Variants in ARL13B observed in about 807,000 individuals in gnomAD.
ARL13B encodes ADP-ribosylation factor-like protein 13B.
A neutral mutation model predicts 56.1 loss-of-function variants in ARL13B; 36 were observed. The ratio of observed to expected loss-of-function variants is 0.64; its 90% confidence interval spans 0.49 to 0.85. The LOEUF is 0.85. Ranked by LOEUF, ARL13B falls within the 40% of genes least tolerant of loss-of-function variation. The pLI is 0.00. For missense variants in ARL13B, 519 were observed against 507.1 expected (o/e 1.02, Z -0.23); for synonymous variants, 178 against 171.1 (o/e 1.04, Z -0.32).
intron 6 of ARL13B, 23 bp from the exon 7 acceptor site, chr3:94,042,992 T>C: frequency 5.8e-6 from 9 of 1,549,418 alleles, no homozygotes; most frequent in Admixed American, 1.8e-5. Flanking sequence ...ATAGTAAAGA[T>C]AATGTATTTT....
chr3:94,036,691 G>T lies in ARL13B; in HGVS notation c.626G>T (p.Arg209Leu), dbSNP rs199790565. Residue 209 changes from arginine (R) to leucine (L), a missense_variant, in exon 5 of 10, where the codon CGT becomes CTT. By Grantham distance (102) the Arg-to-Leu change is moderately radical. Coordinates refer to ENST00000394222, the MANE Select transcript of ARL13B (RefSeq NM_001174150.2). ...ERIQKETTEQ[R>L]ALEEQEKQER... ...ATCCAAAAAGAGACAACAGAGCAGCGTGCTCTTGAGGAACAAGAGAAACAA... is the reference window on the plus strand; with the variant it reads ...ATCCAAAAAGAGACAACAGAGCAGCTTGCTCTTGAGGAACAAGAGAAACAA... The T allele has an allele frequency of 2.5e-6, 4 of 1,613,858 alleles. No homozygotes were observed. The highest frequency in any genetic ancestry group is 4.5e-5 in the East Asian group (2 of 44,858).
chr3:94,000,861 T>C (rs1175571075), intron 2 of ARL13B, among the ~76,000 whole-genome samples: 2 of 152,182 alleles, frequency 1.3e-5, no homozygotes, highest in Non-Finnish European at 2.9e-5. Flanking sequence ...CATGTATCTT[T>C]GTATTCCTGG....
At chr3:93,996,206 A>G (rs2075962913) in intron 2 of ARL13B, among the ~76,000 whole-genome samples, 2 of 152,192 alleles carry the variant, frequency 1.3e-5, no homozygotes, top group South Asian at 4.1e-4. Context: ...TAGTATCTGT[A>G]TTCTAGACAA....
chr3:94,044,431 G>T (rs2076938326), intron 7 of ARL13B, among the ~76,000 whole-genome samples: 1 of 146,980 alleles, frequency 6.8e-6, no homozygotes, highest in Non-Finnish European at 1.5e-5. Flanking sequence ...TGCCCTGAAT[G>T]GGAAGTGAGG....
intron 7 of ARL13B, among the ~76,000 whole-genome samples, chr3:94,045,950 C>CAAAAAAAAAAAAAAAAAAA (rs1199964643): frequency 2.3e-5 from 1 of 44,444 alleles, no homozygotes; most frequent in Non-Finnish European, 4.1e-5. Flanking sequence ...GACTCCATCA[C>CAAAAAAAAAAAAAAAAAAA]AAAAAAAAAA....
intron 3 of ARL13B, among the ~76,000 whole-genome samples, chr3:94,026,335 G>A (rs1238554928): frequency 6.6e-6 from 1 of 152,084 alleles, no homozygotes; most frequent in Non-Finnish European, 1.5e-5. Flanking sequence ...AGAGAAAGAG[G>A]GAGTAACTTC....
At chr3:94,035,652 A>G (rs2076755568) in intron 4 of ARL13B, among the ~76,000 whole-genome samples, 1 of 152,290 alleles carries the variant, frequency 6.6e-6, no homozygotes, top group Admixed American at 6.5e-5. Flanking sequence ...CTATCTTTCC[A>G]TGATTTCAAG....
chr3:94,051,617 G>GAT (rs1240559094), intron 9 of ARL13B, among the ~76,000 whole-genome samples: 1 of 152,018 alleles, frequency 6.6e-6, no homozygotes, highest in East Asian at 1.9e-4. Flanking sequence ...AATATTTCTA[G>GAT]AATGCAAAAG....
intron 3 of ARL13B, among the ~76,000 whole-genome samples, chr3:94,023,655 A>G (rs2076496238): frequency 6.6e-6 from 1 of 152,160 alleles, no homozygotes; most frequent in Admixed American, 6.5e-5. Flanking sequence ...CACACAACTA[A>G]AAGGTGGCAG....
chr3:94,042,088 G>C (rs1173605809), intron 6 of ARL13B, among the ~76,000 whole-genome samples: 1 of 152,052 alleles, frequency 6.6e-6, no homozygotes, highest in Non-Finnish European at 1.5e-5. Flanking sequence ...TTCAATAATA[G>C]TTCATTTTTG....
intron 3 of ARL13B, among the ~76,000 whole-genome samples, chr3:94,033,055 A>G (rs368113827): frequency 3.0e-4 from 46 of 152,358 alleles, no homozygotes; most frequent in Admixed American, 5.2e-4. Context: ...CTATTTAAAA[A>G]AGCATGTTTT....
chr3:94,028,763 T>C (rs2076608356), intron 3 of ARL13B, among the ~76,000 whole-genome samples: 1 of 152,214 alleles, frequency 6.6e-6, no homozygotes, highest in African/African-American at 2.4e-5. Flanking sequence ...ACATTGTATA[T>C]GTAATATATT....
chr3:93,984,869 A>C (rs1264548765), intron 1 of ARL13B, among the ~76,000 whole-genome samples: 1 of 151,936 alleles, frequency 6.6e-6, no homozygotes, highest in Non-Finnish European at 1.5e-5. Context: ...AATTAGCCAG[A>C]AGTAGTGGCA....
intron 3 of ARL13B, among the ~76,000 whole-genome samples, chr3:94,019,477 G>A (rs1258461005): frequency 6.6e-6 from 1 of 152,082 alleles, no homozygotes; most frequent in Non-Finnish European, 1.5e-5. Context: ...TTACAGGCAT[G>A]AGCCACCGCA....
At chr3:93,991,666 C>T (rs1252776404) in intron 1 of ARL13B, among the ~76,000 whole-genome samples, 3 of 152,162 alleles carry the variant, frequency 2.0e-5, no homozygotes, top group African/African-American at 4.8e-5. Context: ...CCACCATGTC[C>T]GTCCAATTTA....
At chr3:93,997,442 T>C (rs995734994) in intron 2 of ARL13B, among the ~76,000 whole-genome samples, 2 of 152,238 alleles carry the variant, frequency 1.3e-5, no homozygotes, top group African/African-American at 2.4e-5. Context: ...AAACATTTTC[T>C]CACCTCAAAT....
chr3:94,014,371 T>G, intron 3 of ARL13B: 2 of 1,512,422 alleles, frequency 1.3e-6, no homozygotes, highest in Non-Finnish European at 1.8e-6. Context: ...GGAAAAAGTT[T>G]TAAAATAGCT....
At chr3:94,048,332 T>A (rs2077014327) in intron 7 of ARL13B, among the ~76,000 whole-genome samples, 1 of 151,808 alleles carries the variant, frequency 6.6e-6, no homozygotes, top group Non-Finnish European at 1.5e-5. Flanking sequence ...GGGCAGAGAG[T>A]GAGGAAAAAA....
chr3:94,048,125 A>C (rs1181884742), intron 7 of ARL13B: 1 of 152,256 alleles, frequency 6.6e-6, no homozygotes, highest in African/African-American at 2.4e-5. Flanking sequence ...AGGAGTGCAG[A>C]TCACTTGGTC....
Sources: gnomAD v4.1 joint callset for allele counts (sites outside exome capture counted in the v4.1 genomes callset) on GRCh38, gnomAD v4.1.1 for gene constraint, MANE v1.5 for transcripts, NCBI Gene and HGNC (gene_info 2026-07-23, HGNC 2026-07-21) for gene names.